The following XKR6 variants were observed in gnomAD, a reference collection of about 807,000 sequenced individuals.
XKR6 encodes XK related 6.
In XKR6, 22 loss-of-function variants were observed where a neutral mutation model predicts 56.7. That is an observed-to-expected ratio of 0.39 (90% CI 0.28 to 0.55). The LOEUF is 0.55. Among genes scored for constraint, XKR6 ranks in the 20% least tolerant of loss-of-function variants. The pLI, the probability that XKR6 is intolerant of heterozygous loss-of-function variation, is 0.66. For missense variants in XKR6, 852 were observed against 889.0 expected, an observed-to-expected ratio of 0.96 and a Z score of 0.53; for synonymous variants, 524 against 387.8, an observed-to-expected ratio of 1.35 and a Z score of -4.13.
intron 1 of XKR6, among the ~76,000 whole-genome samples, chr8:11,195,883 A>T (rs528650437): frequency 6.7e-6 from 1 of 149,472 alleles, no homozygotes; most frequent in African/African-American, 2.5e-5. Context: ...CGATCTCCTG[A>T]CCTCATGATC....
intron 1 of XKR6, among the ~76,000 whole-genome samples, chr8:11,197,374 T>C (rs369842837): frequency 1.3e-5 from 2 of 152,122 alleles, no homozygotes; most frequent in African/African-American, 2.4e-5. Flanking sequence ...GAAAGGACAA[T>C]AGCAGAAAGG....
intron 1 of XKR6, among the ~76,000 whole-genome samples, chr8:10,943,227 T>C (rs568852293): frequency 6.6e-6 from 1 of 152,300 alleles, no homozygotes; most frequent in Non-Finnish European, 1.5e-5. Flanking sequence ...ACTGTCTGAG[T>C]TGTCACAGAC....
At chr8:11,085,320 G>A (rs540139756) in intron 1 of XKR6, among the ~76,000 whole-genome samples, 7 of 152,210 alleles carry the variant, frequency 4.6e-5, no homozygotes, top group Admixed American at 3.3e-4. Flanking sequence ...TCCTTGGAGT[G>A]CCTGCTCTGG....
intron 1 of XKR6, among the ~76,000 whole-genome samples, chr8:11,180,628 G>A (rs1337279855): frequency 3.3e-5 from 5 of 152,188 alleles, no homozygotes; most frequent in African/African-American, 7.2e-5. Context: ...ATGACTGGAC[G>A]GCACAGTGGC....
intron 1 of XKR6, among the ~76,000 whole-genome samples, chr8:11,032,951 G>C (rs1277389792): frequency 6.6e-6 from 1 of 152,172 alleles, no homozygotes; most frequent in East Asian, 1.9e-4. Context: ...GATGATGATG[G>C]TACCGATGGT....
intron 1 of XKR6, among the ~76,000 whole-genome samples, chr8:11,101,537 G>A (rs971999943): frequency 6.6e-6 from 1 of 152,190 alleles, no homozygotes; most frequent in African/African-American, 2.4e-5. Context: ...AGGATGGAGA[G>A]ATGGAAGACA....
intron 1 of XKR6, among the ~76,000 whole-genome samples, chr8:11,050,759 G>A (rs535286646): frequency 6.6e-6 from 1 of 152,194 alleles, no homozygotes; most frequent in African/African-American, 2.4e-5. Context: ...CCCTCTGCCT[G>A]TTCTTCCCTC....
intron 1 of XKR6, among the ~76,000 whole-genome samples, chr8:11,008,264 A>G (rs79994189): frequency 0.035 from 5,287 of 152,142 alleles, 306 homozygotes; most frequent in African/African-American, 0.12. Flanking sequence ...TGGCTCCAAC[A>G]TGATGCAAAA....
chr8:10,924,770 G>T lies in XKR6; in HGVS notation c.825C>A (p.Arg275=). ...QSQRRKEHQR[R]FYWAMMYEYA... ...ATTCATACATCATAGCCCAGTAGAA[G>T]CGTCGCTGGTGTTCCTTCCGCCGCT... The change falls in exon 2 of 3, where the codon CGC becomes CGA. Residue 275 remains arginine, a synonymous_variant. Transcript: ENST00000416569. 6.2e-7 allele frequency: 1 copy of T among 1,614,096 alleles called. No individual in the cohort carries two copies. Among genetic ancestry groups the T allele is most frequent in the Non-Finnish European group, 8.5e-7 (1 of 1,180,008 alleles).
At chr8:10,919,123 C>T (rs985387046) in intron 2 of XKR6, among the ~76,000 whole-genome samples, 1 of 152,224 alleles carries the variant, frequency 6.6e-6, no homozygotes, top group African/African-American at 2.4e-5. Context: ...TCCATCCTCT[C>T]TCACCCCAAC....
At chr8:11,091,683 T>C (rs765306795) in intron 1 of XKR6, among the ~76,000 whole-genome samples, 1 of 151,998 alleles carries the variant, frequency 6.6e-6, no homozygotes, top group Non-Finnish European at 1.5e-5. Context: ...GAGTTAGAAA[T>C]GTGGAGCAGG....
At chr8:11,106,858 A>AAT (rs1798694835) in intron 1 of XKR6, among the ~76,000 whole-genome samples, 1 of 148,774 alleles carries the variant, frequency 6.7e-6, no homozygotes, top group South Asian at 2.1e-4. Context: ...CTCAAAAAAA[A>AAT]AAAAAAATAA....
chr8:10,994,740 G>A (rs1798071591), intron 1 of XKR6, among the ~76,000 whole-genome samples: 1 of 152,162 alleles, frequency 6.6e-6, no homozygotes, highest in Non-Finnish European at 1.5e-5. Flanking sequence ...TTATCGATGA[G>A]GAAACTAACT....
intron 1 of XKR6, among the ~76,000 whole-genome samples, chr8:11,167,890 T>TAAAA (rs34853825): frequency 9.2e-6 from 1 of 108,374 alleles, no homozygotes; most frequent in Non-Finnish European, 1.9e-5. Context: ...CCCCATCTCT[T>TAAAA]AAAAAAAAAA....
At chr8:11,061,478 A>G (rs1389585849) in intron 1 of XKR6, among the ~76,000 whole-genome samples, 1 of 152,122 alleles carries the variant, frequency 6.6e-6, no homozygotes, top group East Asian at 1.9e-4. Flanking sequence ...AAAAAAAAAA[A>G]AAATTTCTGA....
At chr8:11,060,009 G>T (rs1008636836) in intron 1 of XKR6, among the ~76,000 whole-genome samples, 19 of 152,142 alleles carry the variant, frequency 1.2e-4, no homozygotes, top group African/African-American at 4.6e-4. Context: ...CAGGCAATAA[G>T]GTCTGGTTTA....
intron 1 of XKR6, among the ~76,000 whole-genome samples, chr8:11,068,936 C>G (rs575800368): frequency 4.0e-4 from 61 of 152,248 alleles, no homozygotes; most frequent in Non-Finnish European, 3.4e-4. Context: ...ATTCTCCCAT[C>G]TGCCCCTCCC....
intron 1 of XKR6, among the ~76,000 whole-genome samples, chr8:10,997,788 C>G (rs1798147915): frequency 6.6e-6 from 1 of 152,132 alleles, no homozygotes; most frequent in Non-Finnish European, 1.5e-5. Context: ...AAGCTGTCTC[C>G]CATCCCTCCC....
intron 1 of XKR6, among the ~76,000 whole-genome samples, chr8:11,172,920 C>T (rs549215801): frequency 6.6e-6 from 1 of 152,160 alleles, no homozygotes; most frequent in Non-Finnish European, 1.5e-5. Flanking sequence ...GCAGCGGCGA[C>T]ACTGTTTCAA....
Sources: gnomAD v4.1 joint callset for allele counts (sites outside exome capture counted in the v4.1 genomes callset) on GRCh38, gnomAD v4.1.1 for gene constraint, MANE v1.5 for transcripts, NCBI Gene and HGNC (gene_info 2026-07-23, HGNC 2026-07-21) for gene names.